Variants in RHBDF1 observed in about 807,000 individuals in gnomAD.
RHBDF1 encodes the protein rhomboid 5 homolog 1, also known as inactive rhomboid protein 1.
RHBDF1 carries 80 observed loss-of-function variants against 98.6 expected under a neutral mutation model. The ratio of observed to expected loss-of-function variants is 0.81; its 90% CI spans 0.68 to 0.98. The LOEUF (loss-of-function observed/expected upper bound fraction) is 0.98. Among genes scored for constraint, RHBDF1 ranks in the 50% least tolerant of loss-of-function variants. RHBDF1 has a pLI of 0.00. For synonymous variants in RHBDF1, 512 were observed against 486.8 expected (o/e 1.05, Z -0.68); for missense variants, 1,116 against 1,198.3 (o/e 0.93, Z 1.01).
At position 64,092 on chromosome 16, in the gene RHBDF1, A is replaced by G. The variant is rs1369523634; in HGVS notation, c.249-292T>C. 4 of 629,876 alleles carry G rather than the reference A, an allele frequency of 6.4e-6. No individual in the cohort carries two copies. The African/African-American group carries it at 7.3e-5, about 12-fold the overall frequency. 39.0% of individuals were successfully genotyped at this position (629,876 alleles called of 1,614,324 possible). A position where few individuals can be genotyped will look rare whatever the true frequency, so the allele number is the denominator to read the frequency against. On this transcript the variant is annotated intron_variant, in intron 3 of 17. Transcript: ENST00000262316. ...GCAGTTGAGGGGAGGCACTGAGTCC[A>G]GAGAAGGAGCTGAGAGCTCAACCCG...
In RHBDF1 at chr16:62,671, A is replaced by G; in HGVS notation, c.820T>C (p.Ser274Pro). ...AREGILHEEL[S>P]TYPDEVFESP... ...TCGAAAACTTCATCCGGGTATGTGG[A>G]CAGCTCTTCATGGAGGATACCTTCC... The change falls in exon 7 of 18, where the codon TCC becomes CCC. Residue 274 changes from serine (S) to proline (P), a missense_variant. By Grantham distance (74) the Ser-to-Pro change is moderately conservative (BLOSUM62 -1). Transcript: ENST00000262316. 1 of 1,614,078 alleles carries G rather than the reference A, an allele frequency of 6.2e-7. No homozygotes were observed. Among genetic ancestry groups the G allele is most frequent in the Non-Finnish European group, 8.5e-7 (1 of 1,180,016 alleles).
chr16:59,114 G>C lies in RHBDF1; in HGVS notation c.2008C>G (p.Leu670Val), dbSNP rs1377847208. Residue 670 changes from leucine (L) to valine (V), a missense_variant, in exon 17 of 18, where the codon CTG becomes GTG. Transcript: ENST00000262316. ...LFLHAGILHC[L>V]VSICFQMTVL... ...GTCATCTGGAAGCAGATGGACACCA[G>C]GCAGTGCAAGATCCTGTAGTCAGTA... 1.2e-6 allele frequency: 2 copies of C among 1,613,418 alleles called. No homozygotes were observed. Among genetic ancestry groups the C allele is most frequent in the East Asian group, 2.2e-5 (1 of 44,892 alleles).
At position 63,828 on chromosome 16, in the gene RHBDF1, C is replaced by A. The variant is rs202037831; in HGVS notation, c.249-28G>T. ...GGCATGGCAGGGACTCAGCAAGGGG[C>A]GGCCAGATCGCCCCTCCCAGGCAGG... On this transcript the variant is annotated intron_variant, in intron 3 of 17. Transcript: ENST00000262316. 3 of 1,595,130 alleles carry A rather than the reference C, an allele frequency of 1.9e-6. No individual in the cohort carries two copies. The Admixed American group carries it at 5.1e-5, about 27-fold the overall frequency.
chr16:59,099 A>T lies in RHBDF1; in HGVS notation c.2023T>A (p.Phe675Ile), dbSNP rs1405310213. 6.2e-7 allele frequency: 1 copy of T among 1,613,486 alleles called. No homozygotes were observed. The highest frequency in any genetic ancestry group is 8.5e-7 in the Non-Finnish European group (1 of 1,180,018). ...AGGTCCCGCAGGACAGTCATCTGGA[A>T]GCAGATGGACACCAGGCAGTGCAAG... ...GILHCLVSICFQMTVLRDLEK... is the reference protein window; with the variant it reads ...GILHCLVSICIQMTVLRDLEK... The change falls in exon 17 of 18, where the codon TTC (phenylalanine) becomes ATC (isoleucine). Residue 675 changes from phenylalanine (F) to isoleucine (I), a missense_variant. By Grantham distance (21) the Phe-to-Ile change is conservative. Transcript: ENST00000262316.
In RHBDF1 at chr16:58,743, G is replaced by C. The variant is rs1379085395; in HGVS notation, c.2165C>G (p.Ser722Cys). Reference protein sequence around the residue: ...PYRAEVGPAGSQFGILACLFV... With the variant: ...PYRAEVGPAGCQFGILACLFV... ...GAGGCAGGCCAGGATGCCGAACTGG[G>C]AGCCAGCAGGACCCACCTGGGGGAT... The change falls in exon 18 of 18, where the codon TCC (serine) becomes TGC (cysteine). Residue 722 changes from serine to cysteine, a missense_variant. Coordinates refer to ENST00000262316, the MANE Select transcript of RHBDF1 (RefSeq NM_022450.5). The C allele has an allele frequency of 1.2e-6, 2 of 1,612,500 alleles. No homozygotes were observed. Among genetic ancestry groups the C allele is most frequent in the Admixed American group, 3.3e-5 (2 of 59,972 alleles).
intron 13 of RHBDF1, 142 bp from the exon 14 acceptor site, chr16:59,968 A>G: frequency 6.7e-7 from 1 of 1,498,638 alleles, no homozygotes; most frequent in Non-Finnish European, 8.9e-7. Context: ...AGGCCACCAC[A>G]CTGAGTCTCT....
At chr16:72,248 C>T (rs1023356164) in intron 1 of RHBDF1, among the ~76,000 whole-genome samples, 8 of 152,170 alleles carry the variant, frequency 5.3e-5, no homozygotes, top group Non-Finnish European at 1.0e-4. Context: ...AATCCGGCCA[C>T]GGGCTATTTT....
At position 62,975 on chromosome 16, in the gene RHBDF1, T is replaced by C; in HGVS notation, c.670A>G (p.Lys224Glu). Reference protein sequence around the residue: ...MSFRAAAALMKGRSVRDGTFR... With the variant: ...MSFRAAAALMEGRSVRDGTFR... Reference sequence around the variant, plus strand: ...CCGCCTTTGGCCCCTGCACCCACTTTCATCAGCGCTGCGGCCGCCCGGAAG... The same window carrying C: ...CCGCCTTTGGCCCCTGCACCCACTTCCATCAGCGCTGCGGCCGCCCGGAAG... The change falls in exon 5 of 18, where the codon AAA becomes GAA. Residue 224 changes from lysine to glutamate, a missense_variant and splice_region_variant. Transcript: ENST00000262316. 1 of 1,611,982 alleles carries C rather than the reference T, an allele frequency of 6.2e-7. No homozygotes were observed. The highest frequency in any genetic ancestry group is 1.3e-5 in the African/African-American group (1 of 75,024).
chr16:60,741 A>AAT, intron 11 of RHBDF1: 1 of 585,266 alleles, frequency 1.7e-6, no homozygotes, highest in Non-Finnish European at 3.0e-6. Flanking sequence ...AAAATCAGAA[A>AAT]CAACCTCTGT....
Position 61,946 on chromosome 16 carries a change from G to A in RHBDF1, c.1060C>T (p.Gln354Ter). 2 of 1,597,118 alleles carry A rather than the reference G, an allele frequency of 1.3e-6. No homozygotes were observed. The highest frequency in any genetic ancestry group is 1.7e-6 in the Non-Finnish European group (2 of 1,178,634). Residue 354 changes from glutamine (Q) to a stop codon, truncating the protein, a stop_gained, in exon 8 of 18, where the codon CAG becomes TAG. Transcript: ENST00000262316. LOFTEE classifies it high-confidence loss of function. ...VVSTAGPRRG[Q>*]RIAVPVRKLF... The stretch of plus-strand genomic sequence containing the variant: ...TTGCGCACCGGCACCGCGATACGCT[G>A]GCCCCGTCGCGGCCCCGCGGTGCTC...
chr16:59,969 C>A, intron 13 of RHBDF1, 143 bp from the exon 14 acceptor site: 2 of 1,497,602 alleles, frequency 1.3e-6, no homozygotes, highest in Non-Finnish European at 1.8e-6. Context: ...GGCCACCACA[C>A]TGAGTCTCTA....
intron 3 of RHBDF1, 166 bp downstream of exon 3, chr16:64,533 G>A (rs1294248370): frequency 2.8e-5 from 43 of 1,547,048 alleles, no homozygotes; most frequent in African/African-American, 1.4e-4. Context: ...GGGTGAGAGC[G>A]GTCAGTATCC....
At chr16:76,288 C>T (rs919717472), upstream of RHBDF1, 1 of 152,330 alleles carries the variant, frequency 6.6e-6, no homozygotes, top group African/African-American at 2.4e-5. Context: ...ACCAGCCCGC[C>T]AGCCCACTCT....
At chr16:67,042 C>T (rs886555804) in intron 1 of RHBDF1, among the ~76,000 whole-genome samples, 1 of 152,210 alleles carries the variant, frequency 6.6e-6, no homozygotes, top group Non-Finnish European at 1.5e-5. Flanking sequence ...CACAGCTAGA[C>T]TTCCTCATCG....
chr16:61,183 G>A lies in RHBDF1; in HGVS notation c.1494C>T (p.His498=), dbSNP rs763176792. ...FIRSAREREK[H]SACCVRNDRS... is the part of the protein sequence containing the mutation. ...TGTCGTTGCGCACGCAGCAGGCGGA[G>A]TGCTTCTCGCGCTCGCGCGCCGAGC... Residue 498 remains histidine (H), a synonymous_variant, in exon 11 of 18, where the codon CAC becomes CAT. Transcript: ENST00000262316. 73 of 1,541,958 alleles carry A rather than the reference G, an allele frequency of 4.7e-5. No individual in the cohort carries two copies. Among genetic ancestry groups the A allele is most frequent in the Non-Finnish European group, 6.1e-5 (70 of 1,145,448 alleles).
rs1898006503 is a variant in RHBDF1 at position 72,585 on chromosome 16, C to CG, written c.-98dup. ...GCTGCCGCCGCTGGCCGGGAGGGCC[C>CG]GCGCCGAGTCCCCGCCCGCCCGCCG... On this transcript the variant is annotated 5_prime_UTR_variant, in exon 1 of 18. Coordinates refer to ENST00000262316, the MANE Select transcript of RHBDF1 (RefSeq NM_022450.5). The CG allele has an allele frequency of 2.0e-6, 2 of 978,480 alleles. No individual in the cohort carries two copies. Among genetic ancestry groups the CG allele is most frequent in the South Asian group, 4.7e-5 (1 of 21,218 alleles). The allele number at this position is 978,480 out of a possible 1,614,324, so 60.6% of individuals were successfully genotyped here.
At chr16:70,172 C>T (rs1341887790) in intron 1 of RHBDF1, among the ~76,000 whole-genome samples, 4 of 152,226 alleles carry the variant, frequency 2.6e-5, no homozygotes, top group Non-Finnish European at 4.4e-5. Context: ...CCAGGCCACA[C>T]AGTCAGAAAG....
intron 1 of RHBDF1, among the ~76,000 whole-genome samples, chr16:72,138 G>A (rs1202355621): frequency 6.6e-6 from 1 of 152,198 alleles, no homozygotes; most frequent in Admixed American, 6.5e-5. Flanking sequence ...AGAGGAACCT[G>A]GGGCACCCCC....
At chr16:62,177 C>T (rs899254370) in intron 7 of RHBDF1, 125 bp from the exon 8 acceptor site, 13 of 1,324,404 alleles carry the variant, frequency 9.8e-6, no homozygotes, top group Non-Finnish European at 1.2e-5. Flanking sequence ...CCGGCATCTG[C>T]CTTCTCCTTG....
Sources: gnomAD v4.1 joint callset for allele counts (sites outside exome capture counted in the v4.1 genomes callset) on GRCh38, gnomAD v4.1.1 for gene constraint, MANE v1.5 for transcripts, NCBI Gene and HGNC (gene_info 2026-07-23, HGNC 2026-07-21) for gene names.